ZFPM1: variants seen among roughly 807,000 people sequenced by gnomAD.
ZFPM1 encodes the protein zinc finger protein, FOG family member 1, also known as zinc finger protein ZFPM1.
In ZFPM1, 28 loss-of-function variants were observed where a neutral mutation model predicts 46.3. The observed-to-expected ratio is 0.60, with a 90% CI of 0.45 to 0.83. The LOEUF is 0.83. Ranked by LOEUF, ZFPM1 falls within the 40% of genes least tolerant of loss-of-function variation. The probability of loss-of-function intolerance (pLI) is 0.00; values close to 1 mark genes in which losing one functional copy is unlikely to be tolerated. For missense variants in ZFPM1, 1,878 were observed against 1,432.4 expected (o/e 1.31, Z -5.02); for synonymous variants, 957 against 675.9 (o/e 1.42, Z -6.45).
At chr16:88,453,059 G>C (rs1236462166), upstream of ZFPM1, among the ~76,000 whole-genome samples, 1 of 151,552 alleles carries the variant, frequency 6.6e-6, no homozygotes, top group African/African-American at 2.4e-5. Flanking sequence ...GTCGGAGCCA[G>C]CGCCGTAAAG....
In ZFPM1 at chr16:88,471,492, G is replaced by A. The variant is rs950221385; in HGVS notation, c.41-14447G>A. Among the ~76,000 whole-genome samples the A allele has an allele frequency of 1.3e-5, 2 of 150,814 alleles. No homozygotes were observed. Among genetic ancestry groups the A allele is most frequent in the Non-Finnish European group, 1.5e-5 (1 of 67,982 alleles). On this transcript the variant is annotated intron_variant, in intron 1 of 9. Coordinates refer to ENST00000319555, the MANE Select transcript of ZFPM1 (RefSeq NM_153813.3). The surrounding 1 kb of genome is among the most constrained non-coding windows in gnomAD (Gnocchi z 4.1). ...GTGGGGGATGCCAGGACCCCGAGACGACCATGCCCACAGTGGCTCCCACGC... is the reference window on the plus strand; with the variant it reads ...GTGGGGGATGCCAGGACCCCGAGACAACCATGCCCACAGTGGCTCCCACGC...
intron 4 of ZFPM1, among the ~76,000 whole-genome samples, chr16:88,519,700 T>C (rs1477869047): frequency 2.3e-5 from 2 of 85,978 alleles, no homozygotes; most frequent in Non-Finnish European, 4.4e-5. Context: ...GGTGGGTGGA[T>C]GGACAGATGG....
At chr16:88,508,949 C>T in intron 3 of ZFPM1, among the ~76,000 whole-genome samples, 1 of 152,314 alleles carries the variant, frequency 6.6e-6, no homozygotes, top group Non-Finnish European at 1.5e-5. Context: ...AGCGAATCCG[C>T]ACGCGGCGCG....
Position 88,533,909 on chromosome 16 carries a change from G to A in ZFPM1, c.1951G>A (p.Ala651Thr). Residue 651 changes from alanine (A) to threonine (T), a missense_variant, in exon 10 of 10, where the codon GCG becomes ACG. Physicochemically the swap from Ala to Thr is moderately conservative, Grantham distance 58. Transcript: ENST00000319555. The part of the protein sequence containing the change: ...PGAREEGAGG[A>T]ATPEDGAGGR... Reference sequence around the variant, plus strand: ...AGCGCGCGAGGAGGGGGCTGGGGGCGCGGCCACGCCCGAGGACGGCGCGGG... The same window carrying A: ...AGCGCGCGAGGAGGGGGCTGGGGGCACGGCCACGCCCGAGGACGGCGCGGG... 1.8e-6 allele frequency: 2 copies of A among 1,117,108 alleles called. No individual in the cohort carries two copies. Among genetic ancestry groups the A allele is most frequent in the South Asian group, 1.9e-5 (1 of 51,364 alleles). The allele number at this position is 1,117,108 out of a possible 1,614,324, so 69.2% of individuals were successfully genotyped here.
At chr16:88,484,343 G>A (rs973971402) in intron 1 of ZFPM1, among the ~76,000 whole-genome samples, 3 of 152,220 alleles carry the variant, frequency 2.0e-5, no homozygotes, top group Non-Finnish European at 4.4e-5. Flanking sequence ...GGGATGGGGC[G>A]CTCAGCCCTC....
At position 88,471,348 on chromosome 16, in the gene ZFPM1, C is replaced by T. The variant is rs1908410785; in HGVS notation, c.41-14591C>T. On this transcript the variant is annotated intron_variant, in intron 1 of 9. Transcript: ENST00000319555. The surrounding 1 kb of genome is among the most constrained non-coding windows in gnomAD (Gnocchi z 4.1). ...ATCTAGGCTCTGAGATGACTGTGTC[C>T]GTGGCGGCTCCCGCTCACAGTTCAG... Among the ~76,000 whole-genome samples, 5 of 152,220 alleles carry T rather than the reference C, an allele frequency of 3.3e-5. No individual in the cohort carries two copies. Among genetic ancestry groups the T allele is most frequent in the Admixed American group, 6.5e-5 (1 of 15,284 alleles).
At chr16:88,518,246 ATGGG>A (rs2095921115) in intron 4 of ZFPM1, among the ~76,000 whole-genome samples, 1 of 151,412 alleles carries the variant, frequency 6.6e-6, no homozygotes, top group South Asian at 2.1e-4. Context: ...AGATAGGTGG[ATGGG>A]TGGGTGAGTA....
chr16:88,502,244 A>G (rs1440196423), intron 3 of ZFPM1, among the ~76,000 whole-genome samples: 1 of 152,058 alleles, frequency 6.6e-6, no homozygotes, highest in Non-Finnish European at 1.5e-5. Flanking sequence ...AGGGCTGGTC[A>G]TATCCTGCCC....
At chr16:88,496,300 G>C (rs1018563954) in intron 3 of ZFPM1, among the ~76,000 whole-genome samples, 1 of 152,154 alleles carries the variant, frequency 6.6e-6, no homozygotes, top group African/African-American at 2.4e-5. Flanking sequence ...ACAGGGCTGG[G>C]GGTTCCAGGC....
At chr16:88,477,087 C>G (rs1908724000) in intron 1 of ZFPM1, among the ~76,000 whole-genome samples, 1 of 152,270 alleles carries the variant, frequency 6.6e-6, no homozygotes, top group African/African-American at 2.4e-5. Flanking sequence ...GTTCTGGTCT[C>G]TGCCAGCCCG....
intron 3 of ZFPM1, among the ~76,000 whole-genome samples, chr16:88,500,251 G>A (rs900894498): frequency 7.9e-5 from 12 of 152,110 alleles, no homozygotes; most frequent in African/African-American, 2.9e-4. Context: ...CTACTGCCCA[G>A]AAGCTTCCCT....
chr16:88,530,262 C>G (rs958024813), intron 6 of ZFPM1, among the ~76,000 whole-genome samples: 1 of 152,184 alleles, frequency 6.6e-6, no homozygotes, highest in Non-Finnish European at 1.5e-5. Context: ...AGGGTCCTTG[C>G]CCACACAGCC....
chr16:88,519,766 T>C (rs1418373792), intron 4 of ZFPM1, among the ~76,000 whole-genome samples: 2 of 115,612 alleles, frequency 1.7e-5, no homozygotes, highest in African/African-American at 3.5e-5. Context: ...AGATGGATGG[T>C]GGGTGGATGG....
chr16:88,482,824 G>A (rs1459053453), intron 1 of ZFPM1, among the ~76,000 whole-genome samples: 1 of 152,200 alleles, frequency 6.6e-6, no homozygotes, highest in Admixed American at 6.5e-5. Flanking sequence ...AGAAGGGGGA[G>A]GAGCCGGGCT....
At chr16:88,523,872 G>A (rs1015845906) in intron 4 of ZFPM1, among the ~76,000 whole-genome samples, 16 of 152,210 alleles carry the variant, frequency 1.1e-4, no homozygotes, top group Admixed American at 6.5e-4. Flanking sequence ...AGCCAGGCCA[G>A]GCGCCCCGTC....
At chr16:88,515,743 C>T (rs1453405061) in intron 4 of ZFPM1, among the ~76,000 whole-genome samples, 2 of 152,180 alleles carry the variant, frequency 1.3e-5, no homozygotes, top group Non-Finnish European at 2.9e-5. Context: ...TCAGTTTTCT[C>T]CATGGAAGGA....
intron 4 of ZFPM1, among the ~76,000 whole-genome samples, chr16:88,518,893 T>C (rs1911561553): frequency 7.0e-6 from 1 of 142,666 alleles, no homozygotes. Context: ...AGTGGAGGGA[T>C]GGATGGATGG....
At chr16:88,489,848 A>G (rs1909457882) in intron 3 of ZFPM1, among the ~76,000 whole-genome samples, 2 of 152,146 alleles carry the variant, frequency 1.3e-5, no homozygotes, top group South Asian at 2.1e-4. Flanking sequence ...TTCCTAATAA[A>G]TCCCACAGCC....
intron 1 of ZFPM1, among the ~76,000 whole-genome samples, chr16:88,479,272 C>G (rs1400699062): frequency 2.6e-5 from 4 of 152,168 alleles, no homozygotes; most frequent in African/African-American, 9.7e-5. Flanking sequence ...GCTGCTACCA[C>G]TGCTCTCTGT....
Sources: gnomAD v4.1 joint callset for allele counts (sites outside exome capture counted in the v4.1 genomes callset) on GRCh38, gnomAD v4.1.1 for gene constraint, Gnocchi (gnomAD v3.1) non-coding constraint, MANE v1.5 for transcripts, NCBI Gene and HGNC (gene_info 2026-07-23, HGNC 2026-07-21) for gene names.